PSMD14: variants seen among roughly 807,000 people sequenced by gnomAD.
The protein encoded by PSMD14 is ubiquitin C-terminal hydrolase PSMD14.
In PSMD14, 7 loss-of-function variants were observed where a neutral mutation model predicts 41.2. That is an observed-to-expected ratio of 0.17 (90% CI 0.10 to 0.32). The LOEUF (loss-of-function observed/expected upper bound fraction) is 0.32. Among genes scored for constraint, PSMD14 ranks in the 10% least tolerant of loss-of-function variants. The pLI, the probability that PSMD14 is intolerant of heterozygous loss-of-function variation, is 1.00. For synonymous variants in PSMD14, 114 were observed against 122.3 expected, an observed-to-expected ratio of 0.93 and a Z score of 0.45; for missense variants, 139 against 375.6, an observed-to-expected ratio of 0.37 and a Z score of 5.21.
intron 3 of PSMD14, among the ~76,000 whole-genome samples, chr2:161,319,224 G>T (rs995788397): frequency 6.6e-6 from 1 of 151,970 alleles, no homozygotes; most frequent in Non-Finnish European, 1.5e-5. Context: ...GAAAAAGTAA[G>T]CATGTCATCC....
chr2:161,340,679 A>C, intron 3 of PSMD14: 3 of 1,503,140 alleles, frequency 2.0e-6, no homozygotes, highest in Non-Finnish European at 2.7e-6. Context: ...GAGGGTCTAG[A>C]GCTCAGCAGA....
At chr2:161,361,216 T>G (rs192075631) in intron 3 of PSMD14, among the ~76,000 whole-genome samples, 1 of 152,200 alleles carries the variant, frequency 6.6e-6, no homozygotes, top group East Asian at 1.9e-4. Context: ...TAGTTTTAAA[T>G]GCTTCCAGTA....
intron 8 of PSMD14, among the ~76,000 whole-genome samples, chr2:161,385,997 T>C (rs1034660567): frequency 1.3e-5 from 2 of 151,788 alleles, no homozygotes; most frequent in East Asian, 3.9e-4. Context: ...TTCTTAAATA[T>C]ACTTAAAATT....
chr2:161,313,658 A>G (rs771764898), intron 1 of PSMD14, among the ~76,000 whole-genome samples: 45 of 152,304 alleles, frequency 3.0e-4, no homozygotes, highest in Non-Finnish European at 5.4e-4. Context: ...CCTAAATACA[A>G]GTGTTTATTC....
At chr2:161,393,971 A>AT (rs11452254) in intron 9 of PSMD14, among the ~76,000 whole-genome samples, 70,425 of 101,082 alleles carry the variant, frequency 0.7, 25,379 homozygotes, top group Admixed American at 0.75. Context: ...ACACTAGATA[A>AT]TTTTTTTTTT....
At chr2:161,342,388 G>A (rs1366561620) in intron 3 of PSMD14, among the ~76,000 whole-genome samples, 1 of 151,686 alleles carries the variant, frequency 6.6e-6, no homozygotes, top group African/African-American at 2.4e-5. Context: ...TTTTCTGCAT[G>A]TATCGAGATG....
chr2:161,331,289 GTC>G (rs895679074), intron 3 of PSMD14, among the ~76,000 whole-genome samples: 12 of 150,254 alleles, frequency 8.0e-5, no homozygotes, highest in African/African-American at 2.9e-4. Flanking sequence ...TTAAGACGGA[GTC>G]TCACTCTGTT....
intron 10 of PSMD14, among the ~76,000 whole-genome samples, chr2:161,406,690 C>G (rs1683952305): frequency 6.6e-6 from 1 of 152,034 alleles, no homozygotes; most frequent in Non-Finnish European, 1.5e-5. Context: ...GGTTTGCAAC[C>G]TTAGTATATG....
At chr2:161,338,249 A>G (rs189003510) in intron 3 of PSMD14, among the ~76,000 whole-genome samples, 17 of 152,218 alleles carry the variant, frequency 1.1e-4, no homozygotes, top group African/African-American at 3.9e-4. Context: ...ACGAGAAATG[A>G]AGTTCTGAAA....
intron 8 of PSMD14, among the ~76,000 whole-genome samples, chr2:161,389,059 G>C (rs981701472): frequency 3.9e-5 from 6 of 152,142 alleles, no homozygotes; most frequent in Non-Finnish European, 7.4e-5. Context: ...CATGCTGTCT[G>C]TGTTAGTTTT....
chr2:161,391,346 CTATT>C (rs752032583), intron 9 of PSMD14, among the ~76,000 whole-genome samples, 168 bp downstream of exon 9: 86 of 152,004 alleles, frequency 5.7e-4, no homozygotes, highest in Middle Eastern at 3.2e-3. Flanking sequence ...TTTTATTGGA[CTATT>C]TAAAGACACA....
intron 7 of PSMD14, chr2:161,382,800 A>G (rs2105262992): frequency 6.6e-6 from 1 of 151,948 alleles, no homozygotes; most frequent in East Asian, 1.9e-4. Flanking sequence ...AACTAATTTA[A>G]TGTCTATATA....
chr2:161,392,792 T>C (rs528559858), intron 9 of PSMD14, among the ~76,000 whole-genome samples: 1 of 152,112 alleles, frequency 6.6e-6, no homozygotes, highest in African/African-American at 2.4e-5. Flanking sequence ...TATTTTTAAG[T>C]TTACATGGAA....
At chr2:161,320,685 A>AT (rs577175429) in intron 3 of PSMD14, among the ~76,000 whole-genome samples, 4 of 151,962 alleles carry the variant, frequency 2.6e-5, no homozygotes, top group East Asian at 3.9e-4. Flanking sequence ...CGTTAAGTGT[A>AT]TTTTTTTGCC....
intron 3 of PSMD14, among the ~76,000 whole-genome samples, chr2:161,359,605 G>T (rs1683261319): frequency 6.6e-6 from 1 of 152,000 alleles, no homozygotes; most frequent in Non-Finnish European, 1.5e-5. Context: ...TGCCCATCTA[G>T]ACTTCAGGAA....
chr2:161,343,921 C>T (rs114992435), intron 3 of PSMD14, among the ~76,000 whole-genome samples: 2 of 152,098 alleles, frequency 1.3e-5, no homozygotes, highest in Non-Finnish European at 2.9e-5. Context: ...TCCATGGATT[C>T]AACCAACGTT....
At chr2:161,352,525 G>C (rs978631466) in intron 3 of PSMD14, among the ~76,000 whole-genome samples, 14 of 152,058 alleles carry the variant, frequency 9.2e-5, no homozygotes, top group African/African-American at 3.4e-4. Flanking sequence ...TATATATACT[G>C]TGTATTTTCT....
intron 1 of PSMD14, among the ~76,000 whole-genome samples, chr2:161,314,129 C>A (rs866762940): frequency 6.6e-6 from 1 of 152,158 alleles, no homozygotes; most frequent in Non-Finnish European, 1.5e-5. Context: ...TAGAATTAGT[C>A]CAATGATTTT....
chr2:161,402,104 G>T (rs1257653389), intron 10 of PSMD14, among the ~76,000 whole-genome samples: 1 of 152,142 alleles, frequency 6.6e-6, no homozygotes, highest in African/African-American at 2.4e-5. Flanking sequence ...AAACCATTCT[G>T]ACTAAATTCT....
Sources: allele counts gnomAD v4.1 joint callset (sites outside exome capture counted in the v4.1 genomes callset), GRCh38; gene constraint gnomAD v4.1.1; transcripts MANE v1.5; gene names NCBI Gene and HGNC (gene_info 2026-07-23, HGNC 2026-07-21).